The following RBFOX1 variants were observed in gnomAD, a reference collection of about 807,000 sequenced individuals.
RBFOX1 encodes RNA binding fox-1 homolog 1, also known as RNA binding protein fox-1 homolog 1.
A neutral mutation model predicts 57.7 loss-of-function variants in RBFOX1; 8 were observed. The observed-to-expected ratio is 0.14, with a 90% CI of 0.08 to 0.25. The LOEUF (loss-of-function observed/expected upper bound fraction) is 0.25, where lower values mean the gene tolerates loss of function less well. Among genes scored for constraint, RBFOX1 ranks in the 10% least tolerant of loss-of-function variants. RBFOX1 has a pLI of 1.00. For missense variants in RBFOX1, 611 were observed against 548.5 expected (o/e 1.11, Z -1.14); for synonymous variants, 326 against 222.4 (o/e 1.47, Z -4.15).
chr16:5,702,226 A>C (rs1204501351), intron 3 of RBFOX1, among the ~76,000 whole-genome samples: 2 of 152,324 alleles, frequency 1.3e-5, no homozygotes, highest in East Asian at 3.9e-4. Flanking sequence ...GACCTCAGGA[A>C]ACTTACAATT....
chr16:6,811,608 G>A (rs986178978), intron 3 of RBFOX1, among the ~76,000 whole-genome samples: 2 of 152,168 alleles, frequency 1.3e-5, no homozygotes, highest in Non-Finnish European at 2.9e-5. Context: ...AGGCACAGGA[G>A]GCCAGTTACG....
chr16:6,971,606 T>C (rs956337485), intron 3 of RBFOX1, among the ~76,000 whole-genome samples: 1 of 152,064 alleles, frequency 6.6e-6, no homozygotes, highest in African/African-American at 2.4e-5. Context: ...ACATGGAATA[T>C]GGTGTACTGA....
Position 6,865,004 on chromosome 16 carries a change from T to TC in RBFOX1, c.-15-187053_-15-187052insC, listed in dbSNP as rs1422579596. On this transcript the variant is annotated intron_variant, in intron 3 of 15. Transcript: ENST00000550418. ...GTGGGTTTTTCTTTTTCTTTTTTTTTTTTTTTTTTTTTTTTGAGATCGAAT... is the reference window on the plus strand; with the variant it reads ...GTGGGTTTTTCTTTTTCTTTTTTTTTCTTTTTTTTTTTTTTTGAGATCGAAT... Among the ~76,000 whole-genome samples, 697 of 140,626 alleles carry TC rather than the reference T, an allele frequency of 5.0e-3. 13 individuals are homozygous for TC. The highest frequency in any genetic ancestry group is 0.018 in the African/African-American group (654 of 36,164). 92.3% of individuals were successfully genotyped at this position (140,626 alleles called of 152,430 possible). A position where few individuals can be genotyped will look rare whatever the true frequency, so the allele number is the denominator to read the frequency against.
chr16:7,405,739 G>C (rs2098329376), intron 4 of RBFOX1, among the ~76,000 whole-genome samples: 1 of 152,128 alleles, frequency 6.6e-6, no homozygotes, highest in Non-Finnish European at 1.5e-5. Flanking sequence ...AGTAAGCTTG[G>C]ATGACACAGA....
intron 3 of RBFOX1, among the ~76,000 whole-genome samples, chr16:5,694,846 A>G: frequency 6.6e-6 from 1 of 151,338 alleles, no homozygotes. Flanking sequence ...CGATGGGGAG[A>G]TGGTAGAAGA....
chr16:5,608,479 T>G (rs188995706), intron 3 of RBFOX1, among the ~76,000 whole-genome samples: 1 of 152,286 alleles, frequency 6.6e-6, no homozygotes, highest in East Asian at 1.9e-4. Flanking sequence ...GCCACCTATT[T>G]GTTGTGGAAG....
chr16:7,654,287 T>G (rs2065800606), intron 12 of RBFOX1, among the ~76,000 whole-genome samples: 1 of 152,218 alleles, frequency 6.6e-6, no homozygotes, highest in African/African-American at 2.4e-5. Context: ...TTAAGGAGGT[T>G]GGACCACATT....
At chr16:6,218,193 T>G (rs2097348543) in intron 1 of RBFOX1, among the ~76,000 whole-genome samples, 1 of 152,228 alleles carries the variant, frequency 6.6e-6, no homozygotes, top group African/African-American at 2.4e-5. Flanking sequence ...ATATTAAAAA[T>G]GCCTGCCCAT....
At chr16:6,638,633 C>T (rs574363829) in intron 2 of RBFOX1, among the ~76,000 whole-genome samples, 6 of 152,270 alleles carry the variant, frequency 3.9e-5, no homozygotes, top group African/African-American at 1.2e-4. Context: ...AAATTTTTTA[C>T]ACTAATTTAT....
intron 1 of RBFOX1, among the ~76,000 whole-genome samples, chr16:5,357,234 A>G (rs904290121): frequency 6.6e-6 from 1 of 152,154 alleles, no homozygotes; most frequent in African/African-American, 2.4e-5. Context: ...TGTTTGTTCT[A>G]CTGGGGCATT....
At chr16:6,089,667 C>A (rs1356486825) in intron 1 of RBFOX1, among the ~76,000 whole-genome samples, 1 of 152,034 alleles carries the variant, frequency 6.6e-6, no homozygotes, top group Admixed American at 6.5e-5. Flanking sequence ...AGTACGGGGT[C>A]AGGTGTATGT....
intron 1 of RBFOX1, among the ~76,000 whole-genome samples, chr16:5,454,940 TTCCTTCCTTCCTTC>T (rs1567535668): frequency 7.9e-5 from 4 of 50,376 alleles, no homozygotes; most frequent in Non-Finnish European, 1.2e-4. Context: ...CCTTCCTTCC[TTCCTTCCTTCCTTC>T]CTTCCTTTCT....
At chr16:6,195,062 A>C (rs1049091223) in intron 1 of RBFOX1, among the ~76,000 whole-genome samples, 10 of 152,206 alleles carry the variant, frequency 6.6e-5, no homozygotes, top group African/African-American at 2.2e-4. Flanking sequence ...TCAGATACGG[A>C]ATCAGAGAAA....
chr16:5,517,223 A>T (rs1184661730), intron 2 of RBFOX1, among the ~76,000 whole-genome samples: 1 of 152,198 alleles, frequency 6.6e-6, no homozygotes, highest in Non-Finnish European at 1.5e-5. Flanking sequence ...TGTATCTCAC[A>T]GCAGGTCTCC....
chr16:6,810,525 CA>C (rs796845380), intron 3 of RBFOX1, among the ~76,000 whole-genome samples: 1 of 152,052 alleles, frequency 6.6e-6, no homozygotes, highest in Non-Finnish European at 1.5e-5. Flanking sequence ...TATGCCCCTC[CA>C]AAAACCTCTT....
intron 3 of RBFOX1, among the ~76,000 whole-genome samples, chr16:6,827,095 G>C (rs2092247941): frequency 6.6e-6 from 1 of 152,118 alleles, no homozygotes; most frequent in South Asian, 2.1e-4. Flanking sequence ...TACTTACCGA[G>C]TCTCTTAGTG....
chr16:5,566,466 CCCG>C (rs2046071525), intron 2 of RBFOX1, among the ~76,000 whole-genome samples: 2 of 152,080 alleles, frequency 1.3e-5, no homozygotes, highest in African/African-American at 4.8e-5. Context: ...ATGTGTAGAA[CCCG>C]CTCCCTCGGG....
intron 1 of RBFOX1, among the ~76,000 whole-genome samples, chr16:5,398,065 G>A (rs1596847226): frequency 1.5e-5 from 2 of 132,524 alleles, no homozygotes; most frequent in South Asian, 2.1e-4. Context: ...AAAACCACAC[G>A]GGGCTGTGAG....
At chr16:7,557,715 C>T (rs1027716869) in intron 5 of RBFOX1, among the ~76,000 whole-genome samples, 4 of 149,414 alleles carry the variant, frequency 2.7e-5, no homozygotes, top group Non-Finnish European at 3.0e-5. Flanking sequence ...TTACCTGATG[C>T]GCTTGTTACA....
Sources: gnomAD v4.1 joint callset for allele counts (sites outside exome capture counted in the v4.1 genomes callset) on GRCh38, gnomAD v4.1.1 for gene constraint, MANE v1.5 for transcripts, NCBI Gene and HGNC (gene_info 2026-07-23, HGNC 2026-07-21) for gene names.